FAM219A: variants seen among roughly 807,000 people sequenced by gnomAD.
The protein encoded by FAM219A is protein FAM219A.
In FAM219A, 7 loss-of-function variants were observed where a neutral mutation model predicts 23.4. That is an observed-to-expected ratio of 0.30 (90% CI 0.17 to 0.56). The LOEUF (loss-of-function observed/expected upper bound fraction) is 0.56. FAM219A is among the 20% of genes least tolerant of loss of function. FAM219A has a pLI of 0.92. For synonymous variants in FAM219A, 93 were observed against 99.0 expected (o/e 0.94, Z 0.36); for missense variants, 166 against 246.9 (o/e 0.67, Z 2.20).
intron 1 of FAM219A, among the ~76,000 whole-genome samples, chr9:34,415,314 G>A (rs768138568): frequency 1.6e-4 from 24 of 152,134 alleles, no homozygotes; most frequent in Non-Finnish European, 3.2e-4. Context: ...GAGTAGCTGA[G>A]GATTTTCTGA....
chr9:34,400,925 T>C lies in FAM219A; in HGVS notation c.*39A>G. On this transcript the variant is annotated 3_prime_UTR_variant, in exon 6 of 6. Coordinates refer to ENST00000651358, the MANE Select transcript of FAM219A (RefSeq NM_001184940.2). ...GGCCTCTGCCCGTCCTACCCGGCCC[T>C]TGGCGGCCCCGCCCCGGCGACCGCA... The C allele has an allele frequency of 6.7e-7, 1 of 1,496,092 alleles. No individual in the cohort carries two copies. The allele number at this position is 1,496,092 out of a possible 1,614,324, so 92.7% of individuals were successfully genotyped here. A position where few individuals can be genotyped will look rare whatever the true frequency, so the allele number is the denominator to read the frequency against.
intron 1 of FAM219A, among the ~76,000 whole-genome samples, chr9:34,455,760 C>T (rs935772262): frequency 2.0e-5 from 3 of 152,142 alleles, no homozygotes; most frequent in African/African-American, 7.2e-5. Context: ...CTCAACAATA[C>T]ACAGGGTATT....
rs545958974 is a variant in FAM219A, at chr9:34,398,378, T to C, written c.*2586A>G. 8.9e-5 allele frequency: 138 copies of C among 1,545,754 alleles called. 2 individuals carry two copies. In the African/African-American group the frequency reaches 1.8e-3, roughly 20 times the overall value. On this transcript the variant is annotated 3_prime_UTR_variant, in exon 6 of 6. Coordinates refer to ENST00000651358, the MANE Select transcript of FAM219A (RefSeq NM_001184940.2). ...CAGCCACAGCTGAGAGAGGAGGGAG[T>C]GTTAAGGCAGTATCTACAAGGGGAA...
At position 34,402,730 on chromosome 9, in the gene FAM219A, T is replaced by C. The variant is rs1417995085; in HGVS notation, c.238A>G (p.Lys80Glu). The part of the protein sequence containing the change: ...MGSPVNQQPK[K>E]NNVMARTRLV... ...CTTGTTCGGGCCATGACATTGTTCTTCTTGGGTTGCTGGTTGACAGGGCTA... is the reference window on the plus strand; with the variant it reads ...CTTGTTCGGGCCATGACATTGTTCTCCTTGGGTTGCTGGTTGACAGGGCTA... Residue 80 changes from lysine (K) to glutamate (E), a missense_variant, in exon 3 of 6, where the codon AAG (lysine) becomes GAG (glutamate). By Grantham distance (56) the Lys-to-Glu change is moderately conservative (BLOSUM62 1). Around this residue, in one of 3 missense-constraint regions of FAM219A, gnomAD observed 89 missense variants for 98.8 expected, o/e 0.90. Coordinates refer to ENST00000651358, the MANE Select transcript of FAM219A (RefSeq NM_001184940.2). 1 of 1,614,146 alleles carries C rather than the reference T, an allele frequency of 6.2e-7. No individual in the cohort carries two copies. The highest frequency in any genetic ancestry group is 1.7e-5 in the Admixed American group (1 of 60,024).
chr9:34,453,137 CA>C (rs1823614612), intron 1 of FAM219A, among the ~76,000 whole-genome samples: 2 of 152,162 alleles, frequency 1.3e-5, no homozygotes, highest in Non-Finnish European at 2.9e-5. Flanking sequence ...GGTCATGAGC[CA>C]CATGGATCCA....
intron 1 of FAM219A, among the ~76,000 whole-genome samples, chr9:34,450,406 T>C (rs1332358961): frequency 6.6e-6 from 1 of 152,124 alleles, no homozygotes; most frequent in African/African-American, 2.4e-5. Context: ...ACAGTTTGCA[T>C]GTAGTTAATT....
At chr9:34,401,489 A>G (rs1588027745) in intron 5 of FAM219A, among the ~76,000 whole-genome samples, 177 bp downstream of exon 5, 2 of 152,146 alleles carry the variant, frequency 1.3e-5, no homozygotes, top group East Asian at 3.9e-4. Context: ...GGCTCCATGC[A>G]CTTGAGGCCA....
At chr9:34,455,758 T>C (rs1311639198) in intron 1 of FAM219A, among the ~76,000 whole-genome samples, 1 of 152,132 alleles carries the variant, frequency 6.6e-6, no homozygotes, top group Non-Finnish European at 1.5e-5. Flanking sequence ...GTCTCAACAA[T>C]ACACAGGGTA....
intron 1 of FAM219A, among the ~76,000 whole-genome samples, chr9:34,437,857 C>G (rs1822980446): frequency 6.6e-6 from 1 of 152,232 alleles, no homozygotes. Context: ...ACCGCTGCAC[C>G]GTGGGAGCCC....
chr9:34,411,009 A>G (rs914534659), intron 1 of FAM219A, among the ~76,000 whole-genome samples: 4 of 152,310 alleles, frequency 2.6e-5, no homozygotes, highest in Admixed American at 2.0e-4. Flanking sequence ...TATCATTAGT[A>G]TAGGTTCAGT....
rs1275516807 is a variant in FAM219A at position 34,457,687 on chromosome 9, C to G, written c.60+517G>C. Among the ~76,000 whole-genome samples, 1 of 152,194 alleles carries G rather than the reference C, an allele frequency of 6.6e-6. No homozygotes were observed. Among genetic ancestry groups the G allele is most frequent in the Non-Finnish European group, 1.5e-5 (1 of 68,030 alleles). ...CAGGTTCTGCACCAACCACCTTCCC[C>G]CACTGGGTCCCTCGCCCCGGCCCAG... is the stretch of plus-strand genomic sequence containing the variant. On this transcript the variant is annotated intron_variant, in intron 1 of 5. Transcript: ENST00000651358. This position sits in a 1 kb window ranked among gnomAD's most constrained non-coding sequence, Gnocchi z 5.1.
At position 34,457,222 on chromosome 9, in the gene FAM219A, C is replaced by G. The variant is rs1047144360; in HGVS notation, c.60+982G>C. Among the ~76,000 whole-genome samples, 9 of 152,228 alleles carry G rather than the reference C, an allele frequency of 5.9e-5. No homozygotes were observed. Among genetic ancestry groups the G allele is most frequent in the Non-Finnish European group, 1.3e-4 (9 of 68,032 alleles). On this transcript the variant is annotated intron_variant, in intron 1 of 5. Transcript: ENST00000651358. This position sits in a 1 kb window ranked among gnomAD's most constrained non-coding sequence, Gnocchi z 5.1. ...AGCCTAGACATTCCCTCTCTTCCCC[C>G]CTCACTATACGAGCTGGCTAGGCCT... is the stretch of plus-strand genomic sequence containing the variant.
At chr9:34,406,052 C>A (rs979603461) in intron 1 of FAM219A, 88 bp from the exon 2 acceptor site, 1 of 1,314,654 alleles carries the variant, frequency 7.6e-7, no homozygotes, top group African/African-American at 1.5e-5. Context: ...TTCCCACCTG[C>A]CCTCTGGGCT....
At chr9:34,412,312 A>G (rs1821851698) in intron 1 of FAM219A, among the ~76,000 whole-genome samples, 1 of 152,252 alleles carries the variant, frequency 6.6e-6, no homozygotes, top group African/African-American at 2.4e-5. Context: ...CTTCTGATAT[A>G]AAATGTAAAA....
chr9:34,436,203 A>G (rs1822910156), intron 1 of FAM219A, among the ~76,000 whole-genome samples: 1 of 151,714 alleles, frequency 6.6e-6, no homozygotes, highest in Non-Finnish European at 1.5e-5. Flanking sequence ...TTATTATAAA[A>G]TTATGTATGT....
intron 1 of FAM219A, among the ~76,000 whole-genome samples, chr9:34,448,701 TA>T (rs939700853): frequency 2.0e-5 from 3 of 152,196 alleles, no homozygotes; most frequent in Non-Finnish European, 2.9e-5. Flanking sequence ...GGATTATCTT[TA>T]TCTTCTCTAC....
At chr9:34,406,365 T>A in intron 1 of FAM219A, 13 of 985,400 alleles carry the variant, frequency 1.3e-5, no homozygotes, top group Non-Finnish European at 1.6e-5. Flanking sequence ...AGTTTAAGTC[T>A]GGGTTAAGGG....
At chr9:34,415,494 TAAAGTAATACATGCTAAAATTTTAACA>T (rs1298159582) in intron 1 of FAM219A, among the ~76,000 whole-genome samples, 8 of 152,264 alleles carry the variant, frequency 5.3e-5, no homozygotes, top group Non-Finnish European at 1.2e-4. Context: ...TTTTCTACTA[TAAAGTAATACATGCTAAAATTTTAACA>T]AATCACCTTT....
Position 34,401,034 on chromosome 9 carries a change from G to T in FAM219A, c.488C>A (p.Pro163His). 2 of 1,607,162 alleles carry T rather than the reference G, an allele frequency of 1.2e-6. No homozygotes were observed. The highest frequency in any genetic ancestry group is 1.7e-6 in the Non-Finnish European group (2 of 1,175,962). Residue 163 changes from proline (P) to histidine (H), a missense_variant, in exon 6 of 6, where the codon CCC becomes CAC. Coordinates refer to ENST00000651358, the MANE Select transcript of FAM219A (RefSeq NM_001184940.2). Reference protein sequence around the residue: ...IPDDEDLDLIPPKSVNPTCMC... With the variant: ...IPDDEDLDLIHPKSVNPTCMC... ...GCACGTGGGGTTCACGGACTTGGGG[G>T]GGATGAGGTCTAGGTCCTCGTCGTC...
Sources: allele counts gnomAD v4.1 joint callset (sites outside exome capture counted in the v4.1 genomes callset), GRCh38; gene constraint gnomAD v4.1.1; regional missense constraint gnomAD v4.1.1; non-coding constraint Gnocchi (gnomAD v3.1); transcripts MANE v1.5; gene names NCBI Gene and HGNC (gene_info 2026-07-23, HGNC 2026-07-21).